Variants in SLC6A11 observed in about 807,000 individuals in gnomAD.
SLC6A11 encodes sodium- and chloride-dependent GABA transporter 3.
SLC6A11 carries 25 observed loss-of-function variants against 74.8 expected under a neutral mutation model. The observed-to-expected ratio is 0.33, with a 90% CI of 0.24 to 0.47. The LOEUF (loss-of-function observed/expected upper bound fraction) is 0.47. Among genes scored for constraint, SLC6A11 ranks in the 20% least tolerant of loss-of-function variants. SLC6A11 has a pLI of 1.00. For synonymous variants in SLC6A11, 330 were observed against 330.2 expected (o/e 1.00, Z 0.01); for missense variants, 574 against 837.0 (o/e 0.69, Z 3.88).
At position 10,823,412 on chromosome 3, in the gene SLC6A11, T is replaced by A. The variant is rs1243135185; in HGVS notation, c.623+20T>A. 2 of 1,542,924 alleles carry A rather than the reference T, an allele frequency of 1.3e-6. No homozygotes were observed. The highest frequency in any genetic ancestry group is 2.2e-5 in the South Asian group (2 of 89,546). On this transcript the variant is annotated intron_variant, in intron 4 of 13. Transcript: ENST00000254488. Reference sequence around the variant, plus strand: ...TTGGGAGTAAGTGGAGAAGAACTTGTCTCCCTTGGCCTGTGGGGGCTCTGT... The same window carrying A: ...TTGGGAGTAAGTGGAGAAGAACTTGACTCCCTTGGCCTGTGGGGGCTCTGT...
chr3:10,916,591 T>C (rs3774084), intron 7 of SLC6A11, among the ~76,000 whole-genome samples: 38,298 of 152,132 alleles, frequency 0.25, 6,203 homozygotes, highest in Non-Finnish European at 0.37. Flanking sequence ...AGAAATGATA[T>C]AGGACAAATC....
intron 6 of SLC6A11, among the ~76,000 whole-genome samples, chr3:10,895,734 C>T (rs149917626): frequency 3.3e-5 from 5 of 151,992 alleles, no homozygotes; most frequent in African/African-American, 4.8e-5. Context: ...GAGCAAGGGT[C>T]GTCTTTGCAT....
At chr3:10,823,169 T>C in intron 3 of SLC6A11, 133 bp from the exon 4 acceptor site, 1 of 656,786 alleles carries the variant, frequency 1.5e-6, no homozygotes, top group Non-Finnish European at 2.8e-6. Context: ...TTTTCCCCAC[T>C]GCCCTTTGAC....
intron 4 of SLC6A11, among the ~76,000 whole-genome samples, chr3:10,841,588 C>T (rs893719358): frequency 7.2e-5 from 11 of 152,362 alleles, no homozygotes; most frequent in Admixed American, 2.0e-4. Flanking sequence ...TAATCTGCTT[C>T]CCATTCTGGG....
rs1010488027 is a variant in SLC6A11, at chr3:10,926,104, C to T, written c.1221C>T (p.Gly407=). 1.9e-6 allele frequency: 3 copies of T among 1,610,392 alleles called. No homozygotes were observed. The highest frequency in any genetic ancestry group is 1.7e-4 in the Middle Eastern group (1 of 6,046). ...TLFFMMLIFL[G]LDSQFVCVES... Reference sequence around the variant, plus strand: ...TCTTCATGATGCTCATCTTCCTGGGCCTGGACAGCCAGGTAAGGGGCCATG... The same window carrying T: ...TCTTCATGATGCTCATCTTCCTGGGTCTGGACAGCCAGGTAAGGGGCCATG... The change falls in exon 9 of 14, where the codon GGC becomes GGT. Residue 407 remains glycine, a synonymous_variant. Transcript: ENST00000254488. This position sits in a 1 kb window ranked among gnomAD's most constrained non-coding sequence, Gnocchi z 5.7.
intron 6 of SLC6A11, among the ~76,000 whole-genome samples, chr3:10,892,473 C>G (rs1330923416): frequency 6.6e-6 from 1 of 152,098 alleles, no homozygotes; most frequent in Non-Finnish European, 1.5e-5. Context: ...ATCAGGAAAC[C>G]CAGCTCCACC....
At chr3:10,897,301 T>C (rs1331057659) in intron 6 of SLC6A11, among the ~76,000 whole-genome samples, 1 of 152,000 alleles carries the variant, frequency 6.6e-6, no homozygotes, top group Admixed American at 6.6e-5. Context: ...TTCCCAACAG[T>C]CCCCCAAAGT....
chr3:10,836,968 G>A (rs1047667930), intron 4 of SLC6A11, among the ~76,000 whole-genome samples: 14 of 152,226 alleles, frequency 9.2e-5, no homozygotes, highest in Admixed American at 2.0e-4. Flanking sequence ...TATGCCTTGC[G>A]AGACTGAAGG....
In SLC6A11 at chr3:10,933,273, G is replaced by T. The variant is rs774708347; in HGVS notation, c.1474+20G>T. The T allele has an allele frequency of 6.4e-7, 1 of 1,556,922 alleles. No homozygotes were observed. Among genetic ancestry groups the T allele is most frequent in the Non-Finnish European group, 8.9e-7 (1 of 1,128,106 alleles). On this transcript the variant is annotated intron_variant, in intron 11 of 13. Transcript: ENST00000254488. Reference sequence around the variant, plus strand: ...TGTATGGTGAGTAGCAGCCAAGCCCGTCCACACCCCAGCTGCCCACCAGGT... The same window carrying T: ...TGTATGGTGAGTAGCAGCCAAGCCCTTCCACACCCCAGCTGCCCACCAGGT...
intron 5 of SLC6A11, among the ~76,000 whole-genome samples, chr3:10,852,813 G>T (rs1299271178): frequency 6.6e-6 from 1 of 152,236 alleles, no homozygotes; most frequent in Non-Finnish European, 1.5e-5. Flanking sequence ...AGCCAGAAAC[G>T]AGTGGGGAAT....
chr3:10,843,979 C>T (rs904223582), intron 4 of SLC6A11, among the ~76,000 whole-genome samples: 1 of 152,202 alleles, frequency 6.6e-6, no homozygotes, highest in South Asian at 2.1e-4. Context: ...TGTTCTTGTA[C>T]TACATCTGCA....
At chr3:10,896,502 C>T (rs1695173250) in intron 6 of SLC6A11, among the ~76,000 whole-genome samples, 1 of 152,234 alleles carries the variant, frequency 6.6e-6, no homozygotes, top group Non-Finnish European at 1.5e-5. Context: ...GGTGGCCCAG[C>T]AGAGCTGGAA....
chr3:10,856,792 G>A (rs1485010381), intron 5 of SLC6A11, among the ~76,000 whole-genome samples: 1 of 152,194 alleles, frequency 6.6e-6, no homozygotes, highest in African/African-American at 2.4e-5. Flanking sequence ...CACCACCTCT[G>A]GAACCAGGCA....
At chr3:10,823,260 G>C (rs748006374) in intron 3 of SLC6A11, 42 bp from the exon 4 acceptor site, 3 of 1,426,652 alleles carry the variant, frequency 2.1e-6, no homozygotes. Flanking sequence ...AGCTTTCATG[G>C]AGATTAATTT....
chr3:10,872,368 A>G (rs998345054), intron 5 of SLC6A11, among the ~76,000 whole-genome samples: 1 of 152,252 alleles, frequency 6.6e-6, no homozygotes, highest in Non-Finnish European at 1.5e-5. Flanking sequence ...AGGGCTGGGC[A>G]TGGAGTGAGG....
intron 13 of SLC6A11, among the ~76,000 whole-genome samples, chr3:10,936,155 G>A (rs1170520192): frequency 3.3e-5 from 5 of 152,204 alleles, no homozygotes; most frequent in African/African-American, 4.8e-5. Context: ...TGTGCCAGAA[G>A]CTGTTCTAAG....
intron 6 of SLC6A11, among the ~76,000 whole-genome samples, chr3:10,876,747 C>CA (rs1694912797): frequency 1.6e-5 from 1 of 62,982 alleles, no homozygotes; most frequent in African/African-American, 6.1e-5. Context: ...GCCCCCCCCC[C>CA]CCCGCCCCAC....
chr3:10,927,758 C>T (rs777869880), intron 9 of SLC6A11, among the ~76,000 whole-genome samples: 5 of 152,218 alleles, frequency 3.3e-5, no homozygotes, highest in Admixed American at 1.3e-4. Context: ...GGGCTAGTCA[C>T]CTCGCCTCTC....
chr3:10,935,067 C>G lies in SLC6A11; in HGVS notation c.1614C>G (p.Leu538=). ...TCTTCTTGATCAAGTACAAGCCACT[C>G]AAGTACAACAACATCTACACCTACC... The part of the protein sequence containing the change: ...FIFFLIKYKP[L]KYNNIYTYPA... Residue 538 remains leucine (L), a synonymous_variant, in exon 13 of 14, where the codon CTC becomes CTG. Transcript: ENST00000254488. 6.2e-7 allele frequency: 1 copy of G among 1,613,954 alleles called. No individual in the cohort carries two copies. The highest frequency in any genetic ancestry group is 8.5e-7 in the Non-Finnish European group (1 of 1,179,958).
Sources: allele counts gnomAD v4.1 joint callset (sites outside exome capture counted in the v4.1 genomes callset), GRCh38; gene constraint gnomAD v4.1.1; non-coding constraint Gnocchi (gnomAD v3.1); transcripts MANE v1.5; gene names NCBI Gene and HGNC (gene_info 2026-07-23, HGNC 2026-07-21).